The following ANKS1B variants were observed in gnomAD, a reference collection of about 807,000 sequenced individuals.
The protein encoded by ANKS1B is ankyrin repeat and sterile alpha motif domain containing 1B.
A neutral mutation model predicts 148.3 loss-of-function variants in ANKS1B; 36 were observed. The ratio of observed to expected loss-of-function variants is 0.24; its 90% CI spans 0.19 to 0.32. ANKS1B has a LOEUF of 0.32. ANKS1B is among the 10% of genes least tolerant of loss of function. The pLI is 1.00. For missense variants in ANKS1B, 1,157 were observed against 1,542.6 expected (o/e 0.75, Z 4.19); for synonymous variants, 542 against 560.8 (o/e 0.97, Z 0.47).
At chr12:99,432,872 TGGAGAACGGTA>T (rs1279270872) in intron 11 of ANKS1B, among the ~76,000 whole-genome samples, 3 of 152,108 alleles carry the variant, frequency 2.0e-5, no homozygotes, top group African/African-American at 7.2e-5. Context: ...TTAAACAACG[TGGAGAACGGTA>T]GGAGATGGGT....
At chr12:99,959,227 A>ATTTTTTTTTTTTTT (rs71088166) in intron 1 of ANKS1B, among the ~76,000 whole-genome samples, 10 of 99,870 alleles carry the variant, frequency 1.0e-4, no homozygotes, top group East Asian at 3.1e-4. Flanking sequence ...CACCCAGTTA[A>ATTTTTTTTTTTTTT]TTTTTTTTTT....
chr12:99,004,783 T>A (rs1598341418), intron 17 of ANKS1B, among the ~76,000 whole-genome samples: 1 of 75,296 alleles, frequency 1.3e-5, no homozygotes, highest in Middle Eastern at 5.7e-3. Context: ...TAAATAAACA[T>A]TTTTTTTTTT....
intron 9 of ANKS1B, among the ~76,000 whole-genome samples, chr12:99,580,497 G>A (rs1053403112): frequency 1.3e-5 from 2 of 151,976 alleles, no homozygotes; most frequent in Non-Finnish European, 2.9e-5. Context: ...AATAAGCCAG[G>A]CATAGAAAGA....
At chr12:98,898,460 G>A (rs560451112) in intron 17 of ANKS1B, among the ~76,000 whole-genome samples, 8 of 152,166 alleles carry the variant, frequency 5.3e-5, no homozygotes, top group Middle Eastern at 6.8e-3. Context: ...ACAGCATAAA[G>A]GGGATAAATC....
intron 17 of ANKS1B, among the ~76,000 whole-genome samples, chr12:99,037,925 T>C (rs1598809273): frequency 6.6e-6 from 1 of 152,284 alleles, no homozygotes; most frequent in Non-Finnish European, 1.5e-5. Flanking sequence ...GGTCAATAGC[T>C]GAGGACACGT....
At chr12:99,677,829 C>T (rs1175757727) in intron 8 of ANKS1B, among the ~76,000 whole-genome samples, 4 of 151,674 alleles carry the variant, frequency 2.6e-5, no homozygotes, top group Admixed American at 6.6e-5. Context: ...AAAAATTAGC[C>T]GGGCGTGGTG....
intron 10 of ANKS1B, among the ~76,000 whole-genome samples, chr12:99,472,816 A>G (rs571152809): frequency 1.3e-5 from 2 of 152,168 alleles, no homozygotes; most frequent in South Asian, 4.1e-4. Context: ...AATAAGATAT[A>G]TATTTGCTTT....
At chr12:99,175,828 A>G (rs2078314613) in intron 14 of ANKS1B, among the ~76,000 whole-genome samples, 1 of 151,984 alleles carries the variant, frequency 6.6e-6, no homozygotes, top group Admixed American at 6.6e-5. Flanking sequence ...ACTGTGTTTT[A>G]TTTTTTATTT....
At chr12:98,915,713 T>C (rs78799242) in intron 17 of ANKS1B, among the ~76,000 whole-genome samples, 3,403 of 152,256 alleles carry the variant, frequency 0.022, 136 homozygotes, top group African/African-American at 0.078. Context: ...ACTACAGCCC[T>C]AGCAAACTAA....
chr12:99,753,318 T>G (rs960721986), intron 8 of ANKS1B, among the ~76,000 whole-genome samples: 1 of 152,134 alleles, frequency 6.6e-6, no homozygotes, highest in African/African-American at 2.4e-5. Context: ...GAAATGCCTA[T>G]GATATTTTTA....
At chr12:99,583,271 T>G (rs1247428625) in intron 9 of ANKS1B, among the ~76,000 whole-genome samples, 1 of 152,162 alleles carries the variant, frequency 6.6e-6, no homozygotes, top group African/African-American at 2.4e-5. Flanking sequence ...ATTCTTAGTG[T>G]GTGAGCTGAG....
At chr12:99,123,229 G>T (rs1438866312) in intron 15 of ANKS1B, among the ~76,000 whole-genome samples, 2 of 152,044 alleles carry the variant, frequency 1.3e-5, no homozygotes, top group African/African-American at 4.8e-5. Flanking sequence ...AAGGAGACAG[G>T]TGCTGTGTTA....
chr12:98,837,241 G>C (rs528515463), intron 17 of ANKS1B, among the ~76,000 whole-genome samples: 20 of 151,930 alleles, frequency 1.3e-4, no homozygotes, highest in African/African-American at 4.8e-4. Context: ...GGAGGCCGAG[G>C]CAGGAGAATC....
At chr12:99,139,073 T>C (rs974080601) in intron 15 of ANKS1B, among the ~76,000 whole-genome samples, 3 of 150,086 alleles carry the variant, frequency 2.0e-5, no homozygotes, top group Non-Finnish European at 4.4e-5. Flanking sequence ...GTGCTCAGAG[T>C]TCACTGAAGC....
chr12:99,441,513 G>C (rs11109843), intron 11 of ANKS1B, among the ~76,000 whole-genome samples: 9 of 151,890 alleles, frequency 5.9e-5, no homozygotes, highest in African/African-American at 2.2e-4. Flanking sequence ...AATGTCTCCA[G>C]GGTGGAAGAA....
intron 17 of ANKS1B, among the ~76,000 whole-genome samples, chr12:98,917,142 G>A (rs548345589): frequency 9.9e-5 from 15 of 151,996 alleles, no homozygotes; most frequent in East Asian, 3.9e-4. Flanking sequence ...TAAATTTTTC[G>A]TAGAGACAGG....
intron 2 of ANKS1B, among the ~76,000 whole-genome samples, chr12:99,818,537 C>T (rs2082141656): frequency 6.6e-6 from 1 of 151,728 alleles, no homozygotes; most frequent in African/African-American, 2.4e-5. Flanking sequence ...GCAAAATAAT[C>T]CCTATGTCTT....
Position 99,582,490 on chromosome 12 carries a change from T to C in ANKS1B, c.1272+72577A>G, listed in dbSNP as rs139046099. On this transcript the variant is annotated intron_variant, in intron 9 of 26. Transcript: ENST00000683438. ...CTAAAAACAAACTGTTCAATATCCATAAAAAATAATGCTACTCAGCAATGA... is the reference window on the plus strand; with the variant it reads ...CTAAAAACAAACTGTTCAATATCCACAAAAAATAATGCTACTCAGCAATGA... Among the ~76,000 whole-genome samples, 143 of 152,132 alleles carry C rather than the reference T, an allele frequency of 9.4e-4. 2 individuals are homozygous for C. Among genetic ancestry groups the C allele is most frequent in the African/African-American group, 3.2e-3 (133 of 41,516 alleles).
At chr12:99,384,501 A>G (rs1307078806) in intron 12 of ANKS1B, among the ~76,000 whole-genome samples, 1 of 151,986 alleles carries the variant, frequency 6.6e-6, no homozygotes, top group African/African-American at 2.4e-5. Flanking sequence ...AAAGACTGTC[A>G]TTTACCCAAA....
Sources: gnomAD v4.1 joint callset for allele counts (sites outside exome capture counted in the v4.1 genomes callset) on GRCh38, gnomAD v4.1.1 for gene constraint, MANE v1.5 for transcripts, NCBI Gene and HGNC (gene_info 2026-07-23, HGNC 2026-07-21) for gene names.